OAT: variants seen among roughly 807,000 people sequenced by gnomAD.
OAT encodes ornithine aminotransferase, mitochondrial.
In OAT, 35 loss-of-function variants were observed where a neutral mutation model predicts 48.4. The ratio of observed to expected loss-of-function variants is 0.72; its 90% confidence interval spans 0.55 to 0.96. The LOEUF is 0.96. Among genes scored for constraint, OAT ranks in the 40% least tolerant of loss-of-function variants. OAT has a pLI of 0.00. For synonymous variants in OAT, 182 were observed against 198.4 expected (o/e 0.92, Z 0.70); for missense variants, 438 against 537.9 (o/e 0.81, Z 1.84).
chr10:124,411,924 T>A (rs1303913328), intron 2 of OAT, 49 bp downstream of exon 2: 4 of 1,567,792 alleles, frequency 2.6e-6, no homozygotes, highest in Middle Eastern at 1.7e-4. Context: ...AATTTTTTTT[T>A]ATAAAAGGTT....
intron 4 of OAT, chr10:124,406,063 C>T (rs112524065): frequency 3.2e-5 from 33 of 1,026,942 alleles, no homozygotes; most frequent in East Asian, 1.8e-4. Flanking sequence ...AATCCAAACA[C>T]GTTTCCATTT....
At chr10:124,410,744 G>A (rs913325584) in intron 2 of OAT, among the ~76,000 whole-genome samples, 1 of 152,164 alleles carries the variant, frequency 6.6e-6, no homozygotes, top group Non-Finnish European at 1.5e-5. Context: ...GCTGCAGTGA[G>A]CCATGATCAC....
At position 124,408,599 on chromosome 10, in the gene OAT, T is replaced by TA; in HGVS notation, c.462dup (p.Lys155Ter). ...ATGCCCTTCACGGTATAGCCCCACT[T>TA]ACGAGCTAGTTTACAGGCAGTCTCT... On this transcript the variant is annotated frameshift_variant, in exon 4 of 10. Coordinates refer to ENST00000368845, the MANE Select transcript of OAT (RefSeq NM_000274.4). LOFTEE classifies it high-confidence loss of function. 1 of 1,613,016 alleles carries TA rather than the reference T, an allele frequency of 6.2e-7. No homozygotes were observed. The highest frequency in any genetic ancestry group is 8.5e-7 in the Non-Finnish European group (1 of 1,179,888).
rs1302076642 is a variant in OAT at position 124,400,443 on chromosome 10, T to A, written c.1159+397A>T. ...AGCCTGGCAACAGAGCAAGACTCCA[T>A]CTTAAAAAAAAAAAAAAAAAAAAAG... On this transcript the variant is annotated intron_variant, in intron 9 of 9. Coordinates refer to ENST00000368845, the MANE Select transcript of OAT (RefSeq NM_000274.4). Among the ~76,000 whole-genome samples, 22 of 129,116 alleles carry A rather than the reference T, an allele frequency of 1.7e-4. No individual in the cohort carries two copies. The Admixed American group carries it at 1.8e-3, about 11-fold the overall frequency. The allele number at this position is 129,116 out of a possible 152,430, so 84.7% of individuals were successfully genotyped here.
At chr10:124,401,433 G>C (rs899496256) in intron 8 of OAT, among the ~76,000 whole-genome samples, 2 of 152,190 alleles carry the variant, frequency 1.3e-5, no homozygotes, top group Admixed American at 1.3e-4. Context: ...CAAAAAGACG[G>C]GTCTGGTAGG....
Position 124,400,843 on chromosome 10 carries a change from T to G in OAT, c.1156A>C (p.Lys386Gln). 6.3e-7 allele frequency: 1 copy of G among 1,595,954 alleles called. No individual in the cohort carries two copies. Among genetic ancestry groups the G allele is most frequent in the Non-Finnish European group, 8.6e-7 (1 of 1,166,006 alleles). ...LLNAIVIKET[K>Q]DWDAWKVCLR... ...AGTAAATGTTTTATCTCCATACCTTTGGTTTCTTTAATGACAATAGCGTTT... is the reference window on the plus strand; with the variant it reads ...AGTAAATGTTTTATCTCCATACCTTGGGTTTCTTTAATGACAATAGCGTTT... Residue 386 changes from lysine (K) to glutamine (Q), a missense_variant, in exon 9 of 10, where the codon AAA becomes CAA. Lys to Gln is a moderately conservative substitution (Grantham distance 53). Transcript: ENST00000368845.
At chr10:124,401,916 C>T (rs762010338) in intron 7 of OAT, 77 bp from the exon 8 acceptor site, 20 of 1,092,946 alleles carry the variant, frequency 1.8e-5, no homozygotes, top group Non-Finnish European at 2.6e-5. Context: ...CAGAGTCTCG[C>T]TGTCACCCAG....
rs1445387253 is a variant in OAT, at chr10:124,408,333, A to G, written c.520+209T>C. 1.6e-4 allele frequency among the ~76,000 whole-genome samples: 15 copies of G among 94,484 alleles called. No homozygotes were observed. The East Asian group carries it at 2.3e-3, about 15-fold the overall frequency. The allele number at this position is 94,484 out of a possible 152,430, so 62.0% of individuals were successfully genotyped here. A position where few individuals can be genotyped will look rare whatever the true frequency, so the allele number is the denominator to read the frequency against. On this transcript the variant is annotated intron_variant, in intron 4 of 9. Transcript: ENST00000368845. ...TGTGTGTGTGTATATATATATATAT[A>G]TATATATATATTTTTTTTTTTTTTT...
rs1009613313 is a variant in OAT at position 124,416,626 on chromosome 10, C to T, written c.-30+2247G>A. On this transcript the variant is annotated intron_variant, in intron 1 of 9. Coordinates refer to ENST00000368845, the MANE Select transcript of OAT (RefSeq NM_000274.4). ...AGGGTCCTTCAGGCTACCATTACTC[C>T]CTCCATCTAGCCCATCCATCTACAT... is the stretch of plus-strand genomic sequence containing the variant. 7.9e-5 allele frequency among the ~76,000 whole-genome samples: 12 copies of T among 152,240 alleles called. No individual in the cohort carries two copies. In the South Asian group the frequency reaches 2.5e-3, roughly 32 times the overall value.
intron 9 of OAT, among the ~76,000 whole-genome samples, chr10:124,398,403 G>C (rs1460623555): frequency 6.6e-6 from 1 of 152,002 alleles, no homozygotes; most frequent in Non-Finnish European, 1.5e-5. Context: ...AGCTACTCGG[G>C]AGACTGAGGC....
intron 9 of OAT, among the ~76,000 whole-genome samples, chr10:124,399,338 C>G (rs7914929): frequency 1.7e-5 from 1 of 58,764 alleles, no homozygotes; most frequent in Non-Finnish European, 3.0e-5. Flanking sequence ...CCAGGTGATT[C>G]TTTTTTTTTT....
intron 4 of OAT, among the ~76,000 whole-genome samples, chr10:124,407,648 C>T (rs1363784684): frequency 6.6e-6 from 1 of 152,086 alleles, no homozygotes; most frequent in Non-Finnish European, 1.5e-5. Context: ...GTTCACAAGG[C>T]AGAATATTTA....
At chr10:124,416,247 C>G (rs1213865754) in intron 1 of OAT, among the ~76,000 whole-genome samples, 1 of 152,126 alleles carries the variant, frequency 6.6e-6, no homozygotes, top group Admixed American at 6.5e-5. Flanking sequence ...TTCCTAGAAC[C>G]TAGCCCAGGT....
intron 5 of OAT, among the ~76,000 whole-genome samples, chr10:124,404,872 T>C (rs1050674355): frequency 1.3e-5 from 2 of 152,112 alleles, no homozygotes; most frequent in East Asian, 1.9e-4. Context: ...GGCGAAACCA[T>C]GTCTCTAAAG....
At chr10:124,417,250 C>A (rs955205594) in intron 1 of OAT, among the ~76,000 whole-genome samples, 2 of 147,498 alleles carry the variant, frequency 1.4e-5, no homozygotes, top group African/African-American at 5.0e-5. Context: ...TAATCTTAAA[C>A]ACCATGAAAA....
intron 2 of OAT, 82 bp from the exon 3 acceptor site, chr10:124,409,047 C>T (rs1951681656): frequency 8.9e-6 from 8 of 901,660 alleles, no homozygotes; most frequent in South Asian, 1.4e-5. Flanking sequence ...CTAGCAAGCC[C>T]TCTGAATGCC....
chr10:124,407,393 A>G (rs1200680313), intron 4 of OAT: 11 of 985,048 alleles, frequency 1.1e-5, no homozygotes, highest in Admixed American at 6.1e-5. Flanking sequence ...ACCCTTTGCT[A>G]TTAAGAAAGA....
rs367710098 is a variant in OAT, at chr10:124,408,813, T to C, written c.352A>G (p.Asn118Asp). 8.1e-6 allele frequency: 13 copies of C among 1,612,478 alleles called. No individual in the cohort carries two copies. The highest frequency in any genetic ancestry group is 1.7e-6 in the Non-Finnish European group (2 of 1,179,888). ...TACTCCTCATATTCACCAAGTACGT[T>C]ATTATAGAAAGCTCTAGATGTTAAG... ...LTLTSRAFYN[N>D]VLGEYEEYIT... Residue 118 changes from asparagine to aspartate, a missense_variant, in exon 3 of 10, where the codon AAC becomes GAC. By Grantham distance (23) the Asn-to-Asp change is conservative (BLOSUM62 1). Transcript: ENST00000368845.
intron 4 of OAT, among the ~76,000 whole-genome samples, chr10:124,407,692 C>G (rs368286736): frequency 1.2e-4 from 18 of 152,220 alleles, no homozygotes; most frequent in African/African-American, 4.1e-4. Flanking sequence ...GAACTTTGAC[C>G]ATTATAGTGA....
Sources: gnomAD v4.1 joint callset for allele counts (sites outside exome capture counted in the v4.1 genomes callset) on GRCh38, gnomAD v4.1.1 for gene constraint, MANE v1.5 for transcripts, NCBI Gene and HGNC (gene_info 2026-07-23, HGNC 2026-07-21) for gene names.